The following CMTM4 variants were observed in gnomAD, a reference collection of about 807,000 sequenced individuals.
CMTM4 encodes the protein CKLF like MARVEL transmembrane domain containing 4, also known as CKLF-like MARVEL transmembrane domain-containing protein 4.
A neutral mutation model predicts 19.0 loss-of-function variants in CMTM4; 8 were observed. The ratio of observed to expected loss-of-function variants is 0.42; its 90% CI spans 0.25 to 0.76. CMTM4 has a LOEUF of 0.76. CMTM4 is among the 30% of genes least tolerant of loss of function. The pLI is 0.27. For synonymous variants in CMTM4, 106 were observed against 121.1 expected (o/e 0.88, Z 0.82); for missense variants, 228 against 290.2 (o/e 0.79, Z 1.56).
At position 66,618,805 on chromosome 16, in the gene CMTM4, G is replaced by A. The variant is rs1286527002; in HGVS notation, c.*3253C>T. The A allele has an allele frequency of 1.0e-6, 1 of 985,362 alleles. No homozygotes were observed. The highest frequency in any genetic ancestry group is 1.7e-5 in the African/African-American group (1 of 57,246). The allele number at this position is 985,362 out of a possible 1,614,324, so 61.0% of individuals were successfully genotyped here. A position where few individuals can be genotyped will look rare whatever the true frequency, so the allele number is the denominator to read the frequency against. ...CAGAAGCACCCGACATAGGGTGGAG[G>A]TCAGACACATTCCCTGGCTGCCCAC... On this transcript the variant is annotated 3_prime_UTR_variant, in exon 4 of 4. Transcript: ENST00000394106.
chr16:66,691,533 T>G (rs1286469553), intron 1 of CMTM4, among the ~76,000 whole-genome samples: 2 of 152,104 alleles, frequency 1.3e-5, no homozygotes, highest in African/African-American at 4.8e-5. Context: ...AGACCCTATC[T>G]CTACAAAAAA....
chr16:66,622,269 C>T lies in CMTM4; in HGVS notation c.463-47G>A. The T allele has an allele frequency of 6.3e-7, 1 of 1,596,522 alleles. No individual in the cohort carries two copies. The highest frequency in any genetic ancestry group is 8.5e-7 in the Non-Finnish European group (1 of 1,171,352). ...TAGTCCTCGGGCACGTGGCCTGGCC[C>T]CTCAAGGCTTCTGTGGTGACCCAAG... On this transcript the variant is annotated intron_variant, in intron 3 of 3. Coordinates refer to ENST00000394106, the MANE Select transcript of CMTM4 (RefSeq NM_181521.3). The surrounding 1 kb of genome is among the most constrained non-coding windows in gnomAD (Gnocchi z 4.0).
intron 2 of CMTM4, among the ~76,000 whole-genome samples, chr16:66,631,185 G>T (rs568473640): frequency 7.0e-6 from 1 of 143,544 alleles, no homozygotes; most frequent in Non-Finnish European, 1.5e-5. Context: ...GCCCCCGCCC[G>T]GCCAGCCGCC....
chr16:66,681,001 C>T lies in CMTM4; in HGVS notation c.186+15339G>A, dbSNP rs146656389. On this transcript the variant is annotated intron_variant, in intron 1 of 3. Transcript: ENST00000394106. ...AACCTAGAAATATCCAACAGAAATA[C>T]GTAAGCCACACATGCAACTGAAAAT... Among the ~76,000 whole-genome samples, 1,302 of 152,200 alleles carry T rather than the reference C, an allele frequency of 8.6e-3. 12 individuals are homozygous for T. The highest frequency in any genetic ancestry group is 0.027 in the African/African-American group (1,126 of 41,516).
chr16:66,609,667 CCT>C, the CMTM4 span: 1 of 1,529,306 alleles, frequency 6.5e-7, no homozygotes, highest in Non-Finnish European at 8.8e-7. This position sits in a 1 kb window ranked among gnomAD's most constrained non-coding sequence, Gnocchi z 4.4. Flanking sequence ...ATTCCAAAGT[CCT>C]CTCATTAAAG....
At chr16:66,660,481 T>C (rs956048856) in intron 1 of CMTM4, among the ~76,000 whole-genome samples, 5 of 152,010 alleles carry the variant, frequency 3.3e-5, no homozygotes, top group South Asian at 2.1e-4. Flanking sequence ...GTAAAGTCTA[T>C]TGATAAGGAG....
chr16:66,630,464 G>A (rs187805539), intron 2 of CMTM4, among the ~76,000 whole-genome samples: 2,640 of 151,590 alleles, frequency 0.017, 89 homozygotes, highest in African/African-American at 0.059. Context: ...TCAGCCTGCC[G>A]AGTGCCTGGG....
Position 66,617,661 on chromosome 16 carries a change from T to G in CMTM4, c.*4397A>C, listed in dbSNP as rs1031515709. ...CAGACAGTTCTTGTGACTTGAATGA[T>G]ATCTGCTGAGAAGAGAAGAAACACA... On this transcript the variant is annotated 3_prime_UTR_variant, in exon 4 of 4. Coordinates refer to ENST00000394106, the MANE Select transcript of CMTM4 (RefSeq NM_181521.3). 8.1e-5 allele frequency: 91 copies of G among 1,117,690 alleles called. No individual in the cohort carries two copies. In the African/African-American group the frequency reaches 1.3e-3, roughly 16 times the overall value. 69.2% of individuals were successfully genotyped at this position (1,117,690 alleles called of 1,614,324 possible).
At chr16:66,629,854 T>A (rs2096164058) in intron 2 of CMTM4, among the ~76,000 whole-genome samples, 1 of 152,154 alleles carries the variant, frequency 6.6e-6, no homozygotes, top group African/African-American at 2.4e-5. Flanking sequence ...AGCTTCTGAG[T>A]GGAGCTCATT....
chr16:66,617,531 G>A lies in CMTM4; in HGVS notation c.*4527C>T, dbSNP rs997152522. ...AGAATTAAACAGAACATTCACTTTCGGAAGAAAATTTTTCTAGACCTAACA... is the reference window on the plus strand; with the variant it reads ...AGAATTAAACAGAACATTCACTTTCAGAAGAAAATTTTTCTAGACCTAACA... On this transcript the variant is annotated 3_prime_UTR_variant, in exon 4 of 4. Transcript: ENST00000394106. 2.3e-5 allele frequency: 32 copies of A among 1,370,318 alleles called. No homozygotes were observed. The Admixed American group carries it at 5.7e-4, about 24-fold the overall frequency. 84.9% of individuals were successfully genotyped at this position (1,370,318 alleles called of 1,614,324 possible). A position where few individuals can be genotyped will look rare whatever the true frequency, so the allele number is the denominator to read the frequency against.
intron 1 of CMTM4, among the ~76,000 whole-genome samples, chr16:66,695,261 C>T (rs112839260): frequency 3.6e-4 from 55 of 152,248 alleles, no homozygotes; most frequent in African/African-American, 1.2e-3. Context: ...GTGAGAAGAT[C>T]GCTTGAGCCT....
intron 1 of CMTM4, among the ~76,000 whole-genome samples, chr16:66,662,091 A>G (rs2144861279): frequency 6.6e-6 from 1 of 152,336 alleles, no homozygotes; most frequent in East Asian, 1.9e-4. Context: ...CAATAAAAAC[A>G]GACAACAAAA....
intron 1 of CMTM4, among the ~76,000 whole-genome samples, chr16:66,647,456 CCT>C (rs999598812): frequency 4.6e-5 from 7 of 152,188 alleles, no homozygotes; most frequent in East Asian, 3.9e-4. Context: ...AAAAACTTAC[CCT>C]GTTTTTCCAT....
intron 1 of CMTM4, among the ~76,000 whole-genome samples, chr16:66,692,370 G>A (rs531419357): frequency 1.2e-4 from 19 of 152,288 alleles, no homozygotes; most frequent in Non-Finnish European, 2.5e-4. Context: ...CATTACAGGC[G>A]TGAGCCCGGC....
At chr16:66,623,348 A>T in intron 3 of CMTM4, 56 bp downstream of exon 3, 1 of 1,292,642 alleles carries the variant, frequency 7.7e-7, no homozygotes, top group Non-Finnish European at 1.1e-6. Context: ...GGGACAGGCG[A>T]GCAGGTCACA....
chr16:66,609,555 G>T, the CMTM4 span: 1 of 1,568,670 alleles, frequency 6.4e-7, no homozygotes, highest in Non-Finnish European at 8.7e-7. This position sits in a 1 kb window ranked among gnomAD's most constrained non-coding sequence, Gnocchi z 4.4. Context: ...CACCCCTCTG[G>T]AAACTGCAGA....
chr16:66,681,549 C>T (rs1298697778), intron 1 of CMTM4, among the ~76,000 whole-genome samples: 6 of 152,152 alleles, frequency 3.9e-5, no homozygotes. Flanking sequence ...TGGGATCCAC[C>T]CGTCTTGGCC....
chr16:66,627,918 T>G (rs1375993565), intron 2 of CMTM4, among the ~76,000 whole-genome samples: 3 of 152,170 alleles, frequency 2.0e-5, no homozygotes, highest in Admixed American at 6.5e-5. Context: ...GATTATTATT[T>G]TCATTATCTC....
At chr16:66,680,986 T>C (rs1450448470) in intron 1 of CMTM4, among the ~76,000 whole-genome samples, 5 of 152,248 alleles carry the variant, frequency 3.3e-5, no homozygotes, top group Non-Finnish European at 1.5e-5. Flanking sequence ...AACCTAGAAA[T>C]ATCCAACAGA....
Sources: gnomAD v4.1 joint callset for allele counts (sites outside exome capture counted in the v4.1 genomes callset) on GRCh38, gnomAD v4.1.1 for gene constraint, Gnocchi (gnomAD v3.1) non-coding constraint, MANE v1.5 for transcripts, NCBI Gene and HGNC (gene_info 2026-07-23, HGNC 2026-07-21) for gene names.